NRXN1: variants seen among roughly 807,000 people sequenced by gnomAD.
NRXN1 encodes neurexin-1.
In NRXN1, 39 loss-of-function variants were observed where a neutral mutation model predicts 150.9. The observed-to-expected ratio is 0.26, with a 90% CI of 0.20 to 0.34. The LOEUF (loss-of-function observed/expected upper bound fraction) is 0.34, where lower values mean the gene tolerates loss of function less well. Among genes scored for constraint, NRXN1 ranks in the 10% least tolerant of loss-of-function variants. The pLI is 1.00. For missense variants in NRXN1, 1,815 were observed against 1,949.9 expected (o/e 0.93, Z 1.30); for synonymous variants, 924 against 757.0 (o/e 1.22, Z -3.62).
At chr2:50,827,028 C>A (rs755003647) in intron 5 of NRXN1, among the ~76,000 whole-genome samples, 19 of 152,098 alleles carry the variant, frequency 1.2e-4, no homozygotes, top group Non-Finnish European at 2.6e-4. Flanking sequence ...CATCATGATG[C>A]CACAGCAGAA....
intron 18 of NRXN1, among the ~76,000 whole-genome samples, chr2:50,123,558 A>C (rs2152739495): frequency 6.6e-6 from 1 of 152,334 alleles, no homozygotes; most frequent in Middle Eastern, 3.4e-3. Flanking sequence ...ACACAGTCTG[A>C]TTTAGGGTTT....
chr2:50,606,095 C>T (rs1036461012), intron 8 of NRXN1, among the ~76,000 whole-genome samples: 2 of 151,610 alleles, frequency 1.3e-5, no homozygotes, highest in Admixed American at 1.3e-4. Flanking sequence ...CCAAAAAATA[C>T]AAAAATTAGC....
chr2:50,210,106 G>C (rs554551687), intron 18 of NRXN1, among the ~76,000 whole-genome samples: 7 of 151,916 alleles, frequency 4.6e-5, no homozygotes, highest in Non-Finnish European at 7.4e-5. Flanking sequence ...AAACAGAATT[G>C]GTCCAGTCAA....
At chr2:50,051,327 C>T (rs1198141356) in intron 21 of NRXN1, among the ~76,000 whole-genome samples, 1 of 151,972 alleles carries the variant, frequency 6.6e-6, no homozygotes, top group Non-Finnish European at 1.5e-5. Context: ...TTGGGACACA[C>T]CTGGTTTATA....
At chr2:49,954,524 G>C (rs1408018075) in intron 21 of NRXN1, among the ~76,000 whole-genome samples, 1 of 152,120 alleles carries the variant, frequency 6.6e-6, no homozygotes, top group Admixed American at 6.6e-5. Flanking sequence ...CAGATGAACA[G>C]GGAAAAACAG....
rs576311525 is a variant in NRXN1 at position 50,938,132 on chromosome 2, A to T, written c.773-12177T>A. On this transcript the variant is annotated intron_variant, in intron 2 of 22. Coordinates refer to ENST00000401669, the MANE Select transcript of NRXN1 (RefSeq NM_001330078.2). ...ACCATGAATGGAGCTTGCAGGACTG[A>T]AAGTTACTCTGGGCAAGTCAGACAG... Among the ~76,000 whole-genome samples the T allele has an allele frequency of 3.7e-4, 57 of 152,282 alleles. No individual in the cohort carries two copies. In the South Asian group the frequency reaches 0.012, roughly 31 times the overall value.
At chr2:50,934,726 G>A (rs1688264549) in intron 2 of NRXN1, among the ~76,000 whole-genome samples, 10 of 152,154 alleles carry the variant, frequency 6.6e-5, no homozygotes, top group Admixed American at 6.6e-4. Flanking sequence ...TAAAATGCAT[G>A]ATGGTTTTAA....
At chr2:49,997,207 G>C (rs1257167218) in intron 21 of NRXN1, among the ~76,000 whole-genome samples, 1 of 151,976 alleles carries the variant, frequency 6.6e-6, no homozygotes, top group Non-Finnish European at 1.5e-5. Context: ...GAAGATAAGA[G>C]CGCATATCTC....
chr2:50,760,207 TGTCCCTTCACTGA>T (rs1701648474), intron 5 of NRXN1, among the ~76,000 whole-genome samples: 1 of 151,922 alleles, frequency 6.6e-6, no homozygotes, highest in Non-Finnish European at 1.5e-5. Context: ...AAAACGGATC[TGTCCCTTCACTGA>T]GTTATTAGGC....
In NRXN1 at chr2:50,589,064, T is replaced by C. The variant is rs563407027; in HGVS notation, c.1320+30958A>G. On this transcript the variant is annotated intron_variant, in intron 8 of 22. Transcript: ENST00000401669. ...TAGGATGAGAATATAGACTTTGGGG[T>C]GACCGAAGAATCAAAATAGGTGTTG... 4 of 152,236 alleles carry C rather than the reference T, an allele frequency of 2.6e-5. No homozygotes were observed. In the South Asian group the frequency reaches 8.3e-4, roughly 32 times the overall value. 9.4% of individuals were successfully genotyped at this position (152,236 alleles called of 1,614,324 possible). A position where few individuals can be genotyped will look rare whatever the true frequency, so the allele number is the denominator to read the frequency against.
intron 17 of NRXN1, among the ~76,000 whole-genome samples, chr2:50,317,447 T>G (rs1450386168): frequency 1.3e-5 from 2 of 151,764 alleles, no homozygotes; most frequent in African/African-American, 2.4e-5. Flanking sequence ...CAATGGAAGC[T>G]AGAGGGCAAT....
intron 19 of NRXN1, among the ~76,000 whole-genome samples, chr2:50,065,493 C>T (rs544513474): frequency 1.3e-5 from 2 of 152,190 alleles, no homozygotes; most frequent in South Asian, 4.2e-4. Flanking sequence ...CTTCTAGATT[C>T]TGGGGTGAGA....
intron 2 of NRXN1, among the ~76,000 whole-genome samples, chr2:50,973,185 C>T (rs1024844921): frequency 6.6e-6 from 1 of 152,146 alleles, no homozygotes; most frequent in African/African-American, 2.4e-5. Flanking sequence ...CAACTAGAGG[C>T]TGACTTGAAA....
At chr2:50,352,779 T>TAATAATAATAATA (rs1558582630) in intron 17 of NRXN1, among the ~76,000 whole-genome samples, 3 of 94,344 alleles carry the variant, frequency 3.2e-5, no homozygotes, top group African/African-American at 1.1e-4. Context: ...ATAATAATAT[T>TAATAATAATAATA]ATAATAATAA....
At chr2:50,252,611 G>A (rs570105597) in intron 17 of NRXN1, among the ~76,000 whole-genome samples, 20 of 152,122 alleles carry the variant, frequency 1.3e-4, no homozygotes, top group African/African-American at 2.2e-4. Context: ...GTGTAAGTAC[G>A]GGGTCCAGTT....
At chr2:49,973,188 T>C (rs1035792950) in intron 21 of NRXN1, 3 of 152,240 alleles carry the variant, frequency 2.0e-5, no homozygotes, top group Non-Finnish European at 4.4e-5. Context: ...AAAATGTTTT[T>C]AATTATTTCA....
chr2:51,014,408 C>G (rs1668358750), intron 2 of NRXN1, among the ~76,000 whole-genome samples: 1 of 151,646 alleles, frequency 6.6e-6, no homozygotes, highest in African/African-American at 2.4e-5. Context: ...CCACTGAAGA[C>G]ATAAAAAAAT....
chr2:49,924,436 G>A (rs372684932), intron 22 of NRXN1, among the ~76,000 whole-genome samples: 38 of 152,104 alleles, frequency 2.5e-4, no homozygotes, highest in South Asian at 1.0e-3. Context: ...AATTGATATC[G>A]TAAATGGACT....
intron 21 of NRXN1, among the ~76,000 whole-genome samples, chr2:49,974,792 A>G (rs1478474431): frequency 1.3e-5 from 2 of 148,730 alleles, no homozygotes; most frequent in African/African-American, 2.5e-5. Flanking sequence ...GTTGCTCTTT[A>G]AAGACAATTT....
Sources: allele counts gnomAD v4.1 joint callset (sites outside exome capture counted in the v4.1 genomes callset), GRCh38; gene constraint gnomAD v4.1.1; transcripts MANE v1.5; gene names NCBI Gene and HGNC (gene_info 2026-07-23, HGNC 2026-07-21).